The following NKAIN4 variants were observed in gnomAD, a reference collection of about 807,000 sequenced individuals.
The protein encoded by NKAIN4 is sodium/potassium-transporting ATPase subunit beta-1-interacting protein 4.
In NKAIN4, 28 loss-of-function variants were observed where a neutral mutation model predicts 28.8. The observed-to-expected ratio is 0.97, with a 90% CI of 0.72 to 1.33. The LOEUF (loss-of-function observed/expected upper bound fraction) is 1.33. Ranked by LOEUF, NKAIN4 falls within the 40% of genes most tolerant of loss-of-function variation. The pLI is 0.00. For synonymous variants in NKAIN4, 122 were observed against 115.6 expected (o/e 1.06, Z -0.36); for missense variants, 289 against 277.2 (o/e 1.04, Z -0.30).
At chr20:63,246,747 G>A (rs1165460459) in intron 4 of NKAIN4, 13 of 985,288 alleles carry the variant, frequency 1.3e-5, no homozygotes, top group East Asian at 2.3e-4. Context: ...CCCTGCCCCC[G>A]GAGCTCTTGA....
intron 1 of NKAIN4, among the ~76,000 whole-genome samples, chr20:63,251,123 C>A (rs1012049458): frequency 1.3e-5 from 2 of 152,032 alleles, no homozygotes; most frequent in Admixed American, 6.6e-5. Context: ...TGTCCACTGG[C>A]CAGGGGGCCC....
At chr20:63,253,313 C>T in intron 1 of NKAIN4, 2 of 985,444 alleles carry the variant, frequency 2.0e-6, no homozygotes, top group Non-Finnish European at 2.4e-6. Context: ...GCGAGCCTCC[C>T]AGGAAAGCGC....
chr20:63,251,072 G>C (rs2123123462), intron 1 of NKAIN4, among the ~76,000 whole-genome samples: 1 of 152,260 alleles, frequency 6.6e-6, no homozygotes, highest in Admixed American at 6.5e-5. Flanking sequence ...GGTAAGGAGT[G>C]TGAGTCATCT....
At chr20:63,254,135 C>G (rs1568715955) in intron 1 of NKAIN4, 3 of 444,058 alleles carry the variant, frequency 6.8e-6, no homozygotes, top group Non-Finnish European at 8.1e-6. Context: ...GCCGCTGCCC[C>G]GCACCTGTCC....
rs1399098603 is a variant in NKAIN4 at position 63,252,076 on chromosome 20, G to C, written c.55-2004C>G. On this transcript the variant is annotated intron_variant, in intron 1 of 6. Transcript: ENST00000370316. This position sits in a 1 kb window ranked among gnomAD's most constrained non-coding sequence, Gnocchi z 4.6. ...CTGCACATCTCGGCTAAGGGGTCTC[G>C]GCCTGAGGAGCAGCCTCAGGTCTGG... 1.3e-5 allele frequency among the ~76,000 whole-genome samples: 2 copies of C among 152,158 alleles called. No homozygotes were observed. The highest frequency in any genetic ancestry group is 1.3e-4 in the Admixed American group (2 of 15,284).
chr20:63,252,089 G>A lies in NKAIN4; in HGVS notation c.55-2017C>T, dbSNP rs2066970764. Among the ~76,000 whole-genome samples, 5 of 152,338 alleles carry A rather than the reference G, an allele frequency of 3.3e-5. No individual in the cohort carries two copies. In the South Asian group the frequency reaches 1.0e-3, roughly 32 times the overall value. Reference sequence around the variant, plus strand: ...CTAAGGGGTCTCGGCCTGAGGAGCAGCCTCAGGTCTGGCTCCAGAATGGAG... The same window carrying A: ...CTAAGGGGTCTCGGCCTGAGGAGCAACCTCAGGTCTGGCTCCAGAATGGAG... On this transcript the variant is annotated intron_variant, in intron 1 of 6. Coordinates refer to ENST00000370316, the MANE Select transcript of NKAIN4 (RefSeq NM_152864.4). The surrounding 1 kb of genome is among the most constrained non-coding windows in gnomAD (Gnocchi z 4.6).
rs1420687393 is a variant in NKAIN4, at chr20:63,245,547, C to T, written c.472-1463G>A. 6.6e-6 allele frequency among the ~76,000 whole-genome samples: 1 copy of T among 152,062 alleles called. No individual in the cohort carries two copies. The highest frequency in any genetic ancestry group is 1.5e-5 in the Non-Finnish European group (1 of 67,984). ...CCTCCTGGCTCCAGCCCCAGGTCCA[C>T]CCCAAAGCTCTCCCCTCTCCCTGCT... On this transcript the variant is annotated intron_variant, in intron 4 of 6. Coordinates refer to ENST00000370316, the MANE Select transcript of NKAIN4 (RefSeq NM_152864.4). This position sits in a 1 kb window ranked among gnomAD's most constrained non-coding sequence, Gnocchi z 4.7.
chr20:63,251,167 A>G (rs1601297557), intron 1 of NKAIN4, among the ~76,000 whole-genome samples: 1 of 76,772 alleles, frequency 1.3e-5, no homozygotes, highest in African/African-American at 3.2e-5. Context: ...GAGAGAGAGG[A>G]GAGAGAGAGA....
intron 1 of NKAIN4, chr20:63,253,298 C>T: frequency 3.0e-6 from 3 of 985,368 alleles, no homozygotes; most frequent in Non-Finnish European, 3.6e-6. Context: ...ATCTCCGCGG[C>T]CCCAGCGAGC....
At position 63,247,662 on chromosome 20, in the gene NKAIN4, G is replaced by A; in HGVS notation, c.387C>T (p.Gly129=). Residue 129 remains glycine, a synonymous_variant, in exon 4 of 7, where the codon GGC becomes GGT. Coordinates refer to ENST00000370316, the MANE Select transcript of NKAIN4 (RefSeq NM_152864.4). ...AGCCAGCACCTGACACCAGGGCCTG[G>A]CCATGGGGGGCCCCGAGGCCCACTG... ...VPAVGLGAPH[G]QALVSGAGCA... is the part of the protein sequence containing the mutation. The A allele has an allele frequency of 1.9e-6, 3 of 1,545,774 alleles. No individual in the cohort carries two copies. Among genetic ancestry groups the A allele is most frequent in the Non-Finnish European group, 2.6e-6 (3 of 1,144,454 alleles).
rs1007862635 is a variant in NKAIN4, at chr20:63,247,277, G to A, written c.471+301C>T. 3.7e-5 allele frequency: 49 copies of A among 1,316,750 alleles called. No homozygotes were observed. In the Admixed American group the frequency reaches 1.5e-3, roughly 41 times the overall value. The allele number at this position is 1,316,750 out of a possible 1,614,324, so 81.6% of individuals were successfully genotyped here. A position where few individuals can be genotyped will look rare whatever the true frequency, so the allele number is the denominator to read the frequency against. On this transcript the variant is annotated intron_variant, in intron 4 of 6. Coordinates refer to ENST00000370316, the MANE Select transcript of NKAIN4 (RefSeq NM_152864.4). ...TTGGGGCCGTCAAAGCCAGAGGCGG[G>A]GTGTCTCGGCCTGATCCGATTCCTT... is the stretch of plus-strand genomic sequence containing the variant.
Position 63,244,076 on chromosome 20 carries a change from G to T in NKAIN4, c.480C>A (p.Gly160=). Residue 160 remains glycine (G), a synonymous_variant, in exon 5 of 7, where the codon GGC becomes GGA. Coordinates refer to ENST00000370316, the MANE Select transcript of NKAIN4 (RefSeq NM_152864.4). ...TGACCACCTGGCAGCCACAGACAAA[G>T]CCCAGAAGCTGAAAGACACCACAGG... ...SCLQILIALL[G]FVCGCQVVSV... The T allele has an allele frequency of 6.2e-7, 1 of 1,613,678 alleles. No homozygotes were observed. The highest frequency in any genetic ancestry group is 8.5e-7 in the Non-Finnish European group (1 of 1,179,806).
At chr20:63,243,971 GC>G in intron 5 of NKAIN4, 52 bp downstream of exon 5, 1 of 1,485,378 alleles carries the variant, frequency 6.7e-7, no homozygotes, top group Admixed American at 1.8e-5. Context: ...ACTCAGAGCT[GC>G]CACCTCTGTA....
chr20:63,250,922 A>G (rs1391164606), intron 1 of NKAIN4, among the ~76,000 whole-genome samples: 3 of 14,942 alleles, frequency 2.0e-4, no homozygotes, highest in South Asian at 1.7e-3. Flanking sequence ...CCCCCACCCC[A>G]GCCACTCCAT....
At chr20:63,246,591 G>C in intron 4 of NKAIN4, 1 of 985,374 alleles carries the variant, frequency 1.0e-6, no homozygotes, top group Non-Finnish European at 1.2e-6. Context: ...GCCAGCCGCC[G>C]GCCATGGAGC....
At chr20:63,248,535 T>G in intron 3 of NKAIN4, 1 of 404,094 alleles carries the variant, frequency 2.5e-6, no homozygotes, top group Non-Finnish European at 4.6e-6. Flanking sequence ...CTGCCAGGGT[T>G]TGCCCCTGCT....
chr20:63,249,624 T>C (rs990069750), intron 2 of NKAIN4, among the ~76,000 whole-genome samples: 3 of 152,140 alleles, frequency 2.0e-5, no homozygotes, highest in African/African-American at 7.2e-5. Flanking sequence ...TGATTTCCCA[T>C]CTGTAAAGCA....
intron 6 of NKAIN4, 58 bp from the exon 7 acceptor site, chr20:63,241,564 GCTGCCACCCCCT>G: frequency 6.8e-7 from 1 of 1,475,438 alleles, no homozygotes; most frequent in Non-Finnish European, 9.3e-7. Flanking sequence ...GCCACTGGGG[GCTGCCACCCCCT>G]CCCCTTGGAG....
rs1476943481 is a variant in NKAIN4, at chr20:63,248,913, TG to T, written c.193-19del. The stretch of plus-strand genomic sequence containing the variant: ...AGCGTGTACTAGGGAGAGGAGAGGA[TG>T]GGGCGGCAGCTGAACACAGCTCCCG... On this transcript the variant is annotated intron_variant, in intron 2 of 6. Transcript: ENST00000370316. The T allele has an allele frequency of 3.1e-6, 5 of 1,590,708 alleles. No individual in the cohort carries two copies. The highest frequency in any genetic ancestry group is 2.2e-5 in the East Asian group (1 of 44,746).
Sources: gnomAD v4.1 joint callset for allele counts (sites outside exome capture counted in the v4.1 genomes callset) on GRCh38, gnomAD v4.1.1 for gene constraint, Gnocchi (gnomAD v3.1) non-coding constraint, MANE v1.5 for transcripts, NCBI Gene and HGNC (gene_info 2026-07-23, HGNC 2026-07-21) for gene names.